DCLK1: variants seen among roughly 807,000 people sequenced by gnomAD.
The protein encoded by DCLK1 is doublecortin like kinase 1.
A neutral mutation model predicts 86.2 loss-of-function variants in DCLK1; 16 were observed. The observed-to-expected ratio is 0.19, with a 90% CI of 0.13 to 0.28. DCLK1 has a LOEUF of 0.28. Among genes scored for constraint, DCLK1 ranks in the 10% least tolerant of loss-of-function variants. DCLK1 has a pLI of 1.00. For synonymous variants in DCLK1, 369 were observed against 370.5 expected, an observed-to-expected ratio of 1.00 and a Z score of 0.05; for missense variants, 590 against 940.2, an observed-to-expected ratio of 0.63 and a Z score of 4.87.
intron 11 of DCLK1, among the ~76,000 whole-genome samples, chr13:35,819,780 TAA>T (rs138186957): frequency 3.4e-5 from 5 of 145,666 alleles, no homozygotes; most frequent in South Asian, 2.2e-4. Context: ...TAAAGCAATA[TAA>T]AAAAAAAAGG....
At position 35,966,140 on chromosome 13, in the gene DCLK1, G is replaced by A. The variant is rs150765648; in HGVS notation, c.724-18683C>T. On this transcript the variant is annotated intron_variant, in intron 3 of 16. Transcript: ENST00000360631. ...AAACAGAAAATGGAAAATAACAAGCGTTGGCAAGGATGTGGGGAAACTGGA... is the reference window on the plus strand; with the variant it reads ...AAACAGAAAATGGAAAATAACAAGCATTGGCAAGGATGTGGGGAAACTGGA... Among the ~76,000 whole-genome samples the A allele has an allele frequency of 2.4e-3, 368 of 152,256 alleles. 4 individuals carry two copies. Among genetic ancestry groups the A allele is most frequent in the African/African-American group, 8.2e-3 (342 of 41,558 alleles).
chr13:36,113,962 C>A (rs1347729416), intron 2 of DCLK1, among the ~76,000 whole-genome samples: 1 of 152,172 alleles, frequency 6.6e-6, no homozygotes, highest in Non-Finnish European at 1.5e-5. Context: ...CAGTGAGACA[C>A]ACAGCATGTA....
At chr13:35,941,431 G>A (rs1013270412) in intron 4 of DCLK1, among the ~76,000 whole-genome samples, 1 of 152,208 alleles carries the variant, frequency 6.6e-6, no homozygotes, top group Non-Finnish European at 1.5e-5. Flanking sequence ...TGATCCATAA[G>A]AGAAGCTGAG....
intron 3 of DCLK1, among the ~76,000 whole-genome samples, chr13:36,087,078 C>A (rs1357491252): frequency 1.3e-5 from 2 of 152,200 alleles, no homozygotes; most frequent in Non-Finnish European, 2.9e-5. Context: ...GTAATTTACA[C>A]TCCCATTAAC....
intron 3 of DCLK1, among the ~76,000 whole-genome samples, chr13:35,976,195 G>A (rs1260441387): frequency 6.6e-6 from 1 of 152,168 alleles, no homozygotes; most frequent in African/African-American, 2.4e-5. Flanking sequence ...CAGGTTGGGA[G>A]GAGAAAGGAG....
chr13:35,784,942 T>C (rs1241665976), intron 16 of DCLK1, among the ~76,000 whole-genome samples: 1 of 152,130 alleles, frequency 6.6e-6, no homozygotes, highest in African/African-American at 2.4e-5. Context: ...CAAGATGCGT[T>C]TAACTGACCC....
chr13:36,066,794 A>G (rs1883767613), intron 3 of DCLK1, among the ~76,000 whole-genome samples: 1 of 152,048 alleles, frequency 6.6e-6, no homozygotes, highest in Non-Finnish European at 1.5e-5. Context: ...GCAGCCAAAA[A>G]ACACATGAAA....
chr13:36,051,316 G>A (rs180869978), intron 3 of DCLK1, among the ~76,000 whole-genome samples: 1 of 152,176 alleles, frequency 6.6e-6, no homozygotes, highest in East Asian at 1.9e-4. Context: ...TAATGAAAAG[G>A]ACTGATGACT....
rs1213003473 is a variant in DCLK1, at chr13:35,852,276, T to C, written c.1035+2223A>G. On this transcript the variant is annotated intron_variant, in intron 6 of 16. Coordinates refer to ENST00000360631, the MANE Select transcript of DCLK1 (RefSeq NM_001330071.2). ...GTTTTTAGGGATCTTCTAGGCCCAT[T>C]TTAACTGGGAGGGATTATTTGATGC... Among the ~76,000 whole-genome samples, 3 of 152,146 alleles carry C rather than the reference T, an allele frequency of 2.0e-5. No individual in the cohort carries two copies. In the East Asian group the frequency reaches 5.8e-4, roughly 29 times the overall value.
At chr13:35,847,201 C>T in intron 6 of DCLK1, 1 of 982,682 alleles carries the variant, frequency 1.0e-6, no homozygotes, top group Middle Eastern at 5.2e-4. Flanking sequence ...AGCTGAATTT[C>T]AATTTTTTTA....
intron 3 of DCLK1, among the ~76,000 whole-genome samples, chr13:36,004,755 T>C (rs754463976): frequency 3.6e-4 from 55 of 152,174 alleles, no homozygotes; most frequent in Non-Finnish European, 6.8e-4. Context: ...TTTGCATTTT[T>C]TTCGTAGAAA....
rs558829471 is a variant in DCLK1 at position 35,861,901 on chromosome 13, C to T, written c.941-7308G>A. On this transcript the variant is annotated intron_variant, in intron 5 of 16. Coordinates refer to ENST00000360631, the MANE Select transcript of DCLK1 (RefSeq NM_001330071.2). Reference sequence around the variant, plus strand: ...ACAAAAAATTAGCCAGGCGTGGTGGCGGGCACCTGTAGTCCCAGCTACTCG... The same window carrying T: ...ACAAAAAATTAGCCAGGCGTGGTGGTGGGCACCTGTAGTCCCAGCTACTCG... Among the ~76,000 whole-genome samples, 374 of 151,608 alleles carry T rather than the reference C, an allele frequency of 2.5e-3. 1 individual carries two copies. Among genetic ancestry groups the T allele is most frequent in the Non-Finnish European group, 3.8e-3 (257 of 67,858 alleles).
Position 36,131,196 on chromosome 13 carries a change from C to G in DCLK1, c.-102G>C, listed in dbSNP as rs1436760325. 6.6e-6 allele frequency: 1 copy of G among 151,336 alleles called. No individual in the cohort carries two copies. Among genetic ancestry groups the G allele is most frequent in the East Asian group, 2.0e-4 (1 of 5,106 alleles). 9.4% of individuals were successfully genotyped at this position (151,336 alleles called of 1,614,324 possible). A position where few individuals can be genotyped will look rare whatever the true frequency, so the allele number is the denominator to read the frequency against. ...GGTGCTGTCCTCGCCGGGCTGGGCG[C>G]GGCCGGGGCTGCGGGGCTGCAGGGC... On this transcript the variant is annotated 5_prime_UTR_variant, in exon 1 of 17. Coordinates refer to ENST00000360631, the MANE Select transcript of DCLK1 (RefSeq NM_001330071.2).
chr13:35,957,616 C>G (rs972780542), intron 3 of DCLK1, among the ~76,000 whole-genome samples: 3 of 152,224 alleles, frequency 2.0e-5, no homozygotes, highest in South Asian at 2.1e-4. Context: ...ATCACTTTGC[C>G]TGGTATGTTC....
intron 3 of DCLK1, among the ~76,000 whole-genome samples, chr13:36,053,147 T>A (rs561916074): frequency 1.3e-5 from 2 of 152,164 alleles, no homozygotes; most frequent in Admixed American, 1.3e-4. Context: ...GAATGCTATA[T>A]TTAAGGCTGC....
chr13:36,082,323 T>C (rs931917323), intron 3 of DCLK1, among the ~76,000 whole-genome samples: 8 of 152,220 alleles, frequency 5.3e-5, no homozygotes, highest in African/African-American at 1.9e-4. Flanking sequence ...ATATTTTCTT[T>C]TCCCTAGCTT....
chr13:35,946,572 A>C (rs1399359534), intron 4 of DCLK1, among the ~76,000 whole-genome samples: 5 of 152,208 alleles, frequency 3.3e-5, no homozygotes, highest in Non-Finnish European at 5.9e-5. Context: ...AAAATTCATT[A>C]TCATTTCAAA....
chr13:35,977,515 G>A (rs1466243531), intron 3 of DCLK1, among the ~76,000 whole-genome samples: 1 of 152,122 alleles, frequency 6.6e-6, no homozygotes, highest in Non-Finnish European at 1.5e-5. Flanking sequence ...CCAATATTAG[G>A]TATTTGCTAA....
chr13:35,964,211 T>A (rs1878607693), intron 3 of DCLK1, among the ~76,000 whole-genome samples: 1 of 152,120 alleles, frequency 6.6e-6, no homozygotes, highest in African/African-American at 2.4e-5. Flanking sequence ...ATTAAATTTG[T>A]AAGATAAGGG....
Sources: allele counts gnomAD v4.1 joint callset (sites outside exome capture counted in the v4.1 genomes callset), GRCh38; gene constraint gnomAD v4.1.1; transcripts MANE v1.5; gene names NCBI Gene and HGNC (gene_info 2026-07-23, HGNC 2026-07-21).